UGT1A8: variants seen among roughly 807,000 people sequenced by gnomAD.
UGT1A8 encodes UDP-glucuronosyltransferase 1A8.
In UGT1A8, 39 loss-of-function variants were observed where a neutral mutation model predicts 45.3. That is an observed-to-expected ratio of 0.86 (90% CI 0.67 to 1.12). The LOEUF is 1.12. UGT1A8 is among the 50% of genes most tolerant of loss of function. UGT1A8 has a pLI of 0.00. For synonymous variants in UGT1A8, 275 were observed against 249.2 expected (o/e 1.10, Z -0.97); for missense variants, 719 against 664.9 (o/e 1.08, Z -0.90).
At chr2:233,620,083 C>T (rs1030128301) in intron 1 of UGT1A8, among the ~76,000 whole-genome samples, 2 of 152,066 alleles carry the variant, frequency 1.3e-5, no homozygotes, top group Non-Finnish European at 2.9e-5. Flanking sequence ...GTTCTGGCTT[C>T]TTATAAGGTT....
chr2:233,630,585 A>T (rs1013109101), intron 1 of UGT1A8, among the ~76,000 whole-genome samples: 3 of 152,124 alleles, frequency 2.0e-5, no homozygotes, highest in Non-Finnish European at 4.4e-5. Context: ...CAGACTTTAT[A>T]TGAAACATGG....
At chr2:233,636,755 C>G (rs765888404) in intron 1 of UGT1A8, 16 of 1,614,174 alleles carry the variant, frequency 9.9e-6, no homozygotes, top group Non-Finnish European at 1.4e-5. Flanking sequence ...AAGACTTACT[C>G]AACCTCGTAC....
chr2:233,768,757 A>AT (rs2126041506), intron 4 of UGT1A8, among the ~76,000 whole-genome samples: 1 of 151,338 alleles, frequency 6.6e-6, no homozygotes, highest in African/African-American at 2.4e-5. Context: ...TAATTTTTGT[A>AT]TTTTTTAGTA....
intron 1 of UGT1A8, among the ~76,000 whole-genome samples, chr2:233,725,890 G>A (rs2077482116): frequency 6.6e-6 from 1 of 152,164 alleles, no homozygotes; most frequent in Admixed American, 6.5e-5. Context: ...TTTGTAGGCA[G>A]GTGGGTGGCT....
chr2:233,719,070 T>C lies in UGT1A8; in HGVS notation c.856-47964T>C, dbSNP rs144655870. On this transcript the variant is annotated intron_variant, in intron 1 of 4. Coordinates refer to ENST00000373450, the MANE Select transcript of UGT1A8 (RefSeq NM_019076.5). The stretch of plus-strand genomic sequence containing the variant: ...CACCCTGACAGCCTATGCTGTTCCA[T>C]GGACCCAGAAGGAATTTGATCGCGT... The C allele has an allele frequency of 4.3e-6, 7 of 1,614,166 alleles. No individual in the cohort carries two copies. In the African/African-American group the frequency reaches 6.7e-5, roughly 15 times the overall value.
At chr2:233,657,162 C>T (rs1199403872) in intron 1 of UGT1A8, among the ~76,000 whole-genome samples, 1 of 152,192 alleles carries the variant, frequency 6.6e-6, no homozygotes, top group East Asian at 1.9e-4. Context: ...CTGCTGGCCC[C>T]CACTAGCTAT....
At position 233,747,983 on chromosome 2, in the gene UGT1A8, C is replaced by G. The variant is rs539831908; in HGVS notation, c.856-19051C>G. ...TCAGCCATGCATCTGTGTGGCTGTT[C>G]CGAGGGGACTTTGTGATGGATTACC... On this transcript the variant is annotated intron_variant, in intron 1 of 4. Transcript: ENST00000373450. The G allele has an allele frequency of 4.2e-5, 67 of 1,613,418 alleles. 2 individuals are homozygous for G. In the African/African-American group the frequency reaches 7.6e-4, roughly 18 times the overall value.
intron 1 of UGT1A8, among the ~76,000 whole-genome samples, chr2:233,642,439 T>C (rs1183270200): frequency 6.6e-6 from 1 of 152,228 alleles, no homozygotes; most frequent in East Asian, 1.9e-4. Context: ...TGGAATTTCT[T>C]TGAGTTTCCT....
rs898265235 is a variant in UGT1A8 at position 233,646,972 on chromosome 2, G to A, written c.855+28410G>A. Among the ~76,000 whole-genome samples, 8 of 152,298 alleles carry A rather than the reference G, an allele frequency of 5.3e-5. No individual in the cohort carries two copies. The South Asian group carries it at 8.3e-4, about 16-fold the overall frequency. On this transcript the variant is annotated intron_variant, in intron 1 of 4. Transcript: ENST00000373450. ...GACTAAGGAATTTACAAAAGACAGA[G>A]GTTTAATTGACTTAGAGTTCCACAT...
At chr2:233,750,007 A>G (rs1252051416) in intron 1 of UGT1A8, among the ~76,000 whole-genome samples, 1 of 151,886 alleles carries the variant, frequency 6.6e-6, no homozygotes, top group African/African-American at 2.4e-5. Flanking sequence ...AATTGGTGCC[A>G]TGGAGAGTGG....
At chr2:233,767,269 G>C (rs1288837009) in intron 2 of UGT1A8, 104 bp downstream of exon 2, 10 of 1,582,566 alleles carry the variant, frequency 6.3e-6, no homozygotes, top group Non-Finnish European at 8.5e-7. Flanking sequence ...CTTAGATTTG[G>C]CTTTTCCCTG....
At chr2:233,745,085 C>G (rs1165304502) in intron 1 of UGT1A8, among the ~76,000 whole-genome samples, 3 of 151,730 alleles carry the variant, frequency 2.0e-5, no homozygotes, top group East Asian at 3.8e-4. Flanking sequence ...TTTCATTGCT[C>G]TTCCCCCCAA....
intron 1 of UGT1A8, among the ~76,000 whole-genome samples, chr2:233,764,816 T>C (rs4148326): frequency 0.49 from 74,710 of 151,838 alleles, 18,875 homozygotes; most frequent in African/African-American, 0.6. Flanking sequence ...AACCAAAAAA[T>C]GCAGCATGGT....
intron 1 of UGT1A8, chr2:233,719,063 T>C (rs780981964): frequency 1.1e-4 from 178 of 1,614,270 alleles, no homozygotes; most frequent in East Asian, 3.6e-4. Flanking sequence ...CAGCCTATGC[T>C]GTTCCATGGA....
chr2:233,668,458 A>T lies in UGT1A8; in HGVS notation c.855+49896A>T, dbSNP rs577850003. Among the ~76,000 whole-genome samples the T allele has an allele frequency of 1.2e-3, 179 of 152,326 alleles. 1 individual carries two copies. Among genetic ancestry groups the T allele is most frequent in the South Asian group, 6.8e-3 (33 of 4,830 alleles). ...ATTTTCTTAATCCAGTCTACCACTG[A>T]TGGACATTTGGGTTGCTTCCAAGTC... On this transcript the variant is annotated intron_variant, in intron 1 of 4. Coordinates refer to ENST00000373450, the MANE Select transcript of UGT1A8 (RefSeq NM_019076.5).
chr2:233,717,541 C>G (rs1044536522), intron 1 of UGT1A8, among the ~76,000 whole-genome samples: 14 of 152,370 alleles, frequency 9.2e-5, no homozygotes, highest in Non-Finnish European at 1.5e-4. Flanking sequence ...GAAGCCTCAG[C>G]CTCACCAGCA....
chr2:233,672,215 C>T lies in UGT1A8; in HGVS notation c.855+53653C>T, dbSNP rs780464022. The T allele has an allele frequency of 3.7e-6, 6 of 1,614,128 alleles. No homozygotes were observed. The South Asian group carries it at 6.6e-5, about 18-fold the overall frequency. ...CTGGACCGGGAGTTCAAGGCTTTTG[C>T]CCATGCTCAATGGAAAGCACAAGTA... On this transcript the variant is annotated intron_variant, in intron 1 of 4. Coordinates refer to ENST00000373450, the MANE Select transcript of UGT1A8 (RefSeq NM_019076.5).
At chr2:233,727,451 G>A (rs2077618164) in intron 1 of UGT1A8, among the ~76,000 whole-genome samples, 1 of 152,150 alleles carries the variant, frequency 6.6e-6, no homozygotes, top group African/African-American at 2.4e-5. Flanking sequence ...GAAATCAGAT[G>A]ACTTCACTGT....
intron 1 of UGT1A8, among the ~76,000 whole-genome samples, chr2:233,730,968 A>T (rs552248982): frequency 2.6e-5 from 4 of 152,134 alleles, no homozygotes; most frequent in East Asian, 1.9e-4. Context: ...GTACTCTGGG[A>T]CCTGAATATT....
Sources: gnomAD v4.1 joint callset for allele counts (sites outside exome capture counted in the v4.1 genomes callset) on GRCh38, gnomAD v4.1.1 for gene constraint, MANE v1.5 for transcripts, NCBI Gene and HGNC (gene_info 2026-07-23, HGNC 2026-07-21) for gene names.